Variants in LLGL2 observed in about 807,000 individuals in gnomAD.
The protein encoded by LLGL2 is LLGL2, scribble cell polarity complex component.
In LLGL2, 81 loss-of-function variants were observed where a neutral mutation model predicts 123.2. The ratio of observed to expected loss-of-function variants is 0.66; its 90% CI spans 0.55 to 0.79. The LOEUF (loss-of-function observed/expected upper bound fraction) is 0.79, where lower values mean the gene tolerates loss of function less well. LLGL2 is among the 30% of genes least tolerant of loss of function. The probability of loss-of-function intolerance (pLI) is 0.00; values close to 1 mark genes in which losing one functional copy is unlikely to be tolerated. For missense variants in LLGL2, 1,273 were observed against 1,414.6 expected (o/e 0.90, Z 1.61); for synonymous variants, 577 against 594.1 (o/e 0.97, Z 0.42).
intron 2 of LLGL2, among the ~76,000 whole-genome samples, chr17:75,555,236 A>G (rs1391196702): frequency 6.6e-6 from 1 of 151,258 alleles, no homozygotes; most frequent in African/African-American, 2.4e-5. Flanking sequence ...AAGGATGTAC[A>G]CTTAGGTTCT....
intron 1 of LLGL2, among the ~76,000 whole-genome samples, chr17:75,530,343 T>A (rs552061424): frequency 6.6e-6 from 1 of 152,086 alleles, no homozygotes; most frequent in South Asian, 2.1e-4. Flanking sequence ...TCTACAAAAA[T>A]TTTTTTAAAA....
At chr17:75,539,667 G>A (rs1001371584) in intron 1 of LLGL2, among the ~76,000 whole-genome samples, 3 of 150,562 alleles carry the variant, frequency 2.0e-5, no homozygotes, top group Non-Finnish European at 4.4e-5. Context: ...GAGTGCAGTG[G>A]TGCGATCTCA....
chr17:75,541,890 CG>C (rs888890027), intron 1 of LLGL2, among the ~76,000 whole-genome samples: 6 of 151,768 alleles, frequency 4.0e-5, no homozygotes, highest in African/African-American at 1.5e-4. Context: ...CCACCACACT[CG>C]GCTAACTTTT....
chr17:75,538,653 ATAAG>A (rs939178343), intron 1 of LLGL2: 1 of 152,202 alleles, frequency 6.6e-6, no homozygotes, highest in Non-Finnish European at 1.5e-5. Flanking sequence ...AACAAGATTA[ATAAG>A]TAAGCTATTC....
intron 1 of LLGL2, among the ~76,000 whole-genome samples, chr17:75,528,462 G>A (rs2053655250): frequency 6.6e-6 from 1 of 152,150 alleles, no homozygotes; most frequent in Non-Finnish European, 1.5e-5. Flanking sequence ...AAAAAGGCCA[G>A]GCGTGGTGGC....
At chr17:75,547,541 G>C (rs115064277) in intron 2 of LLGL2, among the ~76,000 whole-genome samples, 4,794 of 152,296 alleles carry the variant, frequency 0.031, 258 homozygotes, top group African/African-American at 0.11. Flanking sequence ...AAATTGACGA[G>C]AGGCGGGGCG....
intron 1 of LLGL2, among the ~76,000 whole-genome samples, chr17:75,536,817 C>T (rs192462717): frequency 1.3e-5 from 2 of 152,244 alleles, no homozygotes; most frequent in African/African-American, 4.8e-5. Context: ...GGTCTTTTCT[C>T]CATTTATTTA....
At chr17:75,537,106 AGCC>A (rs2054032182) in intron 1 of LLGL2, among the ~76,000 whole-genome samples, 1 of 152,170 alleles carries the variant, frequency 6.6e-6, no homozygotes, top group Non-Finnish European at 1.5e-5. Context: ...TACAGACGTG[AGCC>A]ACAGCGCCCG....
intron 1 of LLGL2, among the ~76,000 whole-genome samples, chr17:75,528,381 C>T (rs1052593896): frequency 6.6e-6 from 1 of 152,080 alleles, no homozygotes; most frequent in Non-Finnish European, 1.5e-5. Flanking sequence ...TCCCAAAGTG[C>T]TGGGATTACA....
rs1671018 is a variant in LLGL2, at chr17:75,574,623, C to A, written c.3010C>A (p.Arg1004Ser). 6.2e-7 allele frequency: 1 copy of A among 1,612,338 alleles called. No homozygotes were observed. The highest frequency in any genetic ancestry group is 8.5e-7 in the Non-Finnish European group (1 of 1,179,644). Reference sequence around the variant, plus strand: ...TTGCCTGTGCAGGAGCGGCAACTGGCGTTCACATCGAGCCGCCGTGGGGTG... The same window carrying A: ...TTGCCTGTGCAGGAGCGGCAACTGGAGTTCACATCGAGCCGCCGTGGGGTG... ...LEGDRGSGNW[R>S]SHRAAVGCSL... Residue 1004 changes from arginine (R) to serine (S), a missense_variant, in exon 25 of 26, where the codon CGT (arginine) becomes AGT (serine). Transcript: ENST00000392550.
At chr17:75,574,824 C>G (rs2055900894) in intron 25 of LLGL2, 47 bp from the exon 26 acceptor site, 1 of 1,611,938 alleles carries the variant, frequency 6.2e-7, no homozygotes, top group African/African-American at 1.3e-5. Flanking sequence ...GCTGGGGCAC[C>G]CCGTCCTGCC....
intron 1 of LLGL2, among the ~76,000 whole-genome samples, chr17:75,526,675 C>T (rs1598486815): frequency 6.6e-6 from 1 of 152,086 alleles, no homozygotes; most frequent in Non-Finnish European, 1.5e-5. Context: ...GCAGCCTTAA[C>T]CTGGGCTCCA....
rs749098773 is a variant in LLGL2, at chr17:75,564,340, C to T, written c.882-13C>T. 2 of 1,601,030 alleles carry T rather than the reference C, an allele frequency of 1.2e-6. No individual in the cohort carries two copies. The highest frequency in any genetic ancestry group is 4.5e-5 in the East Asian group (2 of 44,784). On this transcript the variant is annotated splice_polypyrimidine_tract_variant and intron_variant, in intron 9 of 25. Transcript: ENST00000392550. This position sits in a 1 kb window ranked among gnomAD's most constrained non-coding sequence, Gnocchi z 4.9. ...GGAGCCCCAGCCCACTGCCGCTCCT[C>T]TGTGCCTGCCAGGTTGCCCTTCACC...
At position 75,559,138 on chromosome 17, in the gene LLGL2, A is replaced by G; in HGVS notation, c.372-114A>G. The G allele has an allele frequency of 3.6e-6, 4 of 1,097,836 alleles. No individual in the cohort carries two copies. Among genetic ancestry groups the G allele is most frequent in the East Asian group, 2.6e-5 (1 of 38,150 alleles). The allele number at this position is 1,097,836 out of a possible 1,614,324, so 68.0% of individuals were successfully genotyped here. A position where few individuals can be genotyped will look rare whatever the true frequency, so the allele number is the denominator to read the frequency against. ...AATGTTTGTCCTGGCTTGAAATGTT[A>G]TGACCTCATTAAAGGGCCTTATGGG... On this transcript the variant is annotated intron_variant, in intron 5 of 25. Coordinates refer to ENST00000392550, the MANE Select transcript of LLGL2 (RefSeq NM_001031803.2). The surrounding 1 kb of genome is among the most constrained non-coding windows in gnomAD (Gnocchi z 4.6).
intron 2 of LLGL2, among the ~76,000 whole-genome samples, chr17:75,550,793 A>AC: frequency 6.6e-6 from 1 of 150,576 alleles, no homozygotes; most frequent in South Asian, 2.1e-4. Flanking sequence ...AAAAAAAAAA[A>AC]AAAAAAAAAA....
chr17:75,574,563 G>A (rs2055887372), intron 24 of LLGL2, 47 bp from the exon 25 acceptor site: 3 of 1,604,008 alleles, frequency 1.9e-6, no homozygotes, highest in East Asian at 4.5e-5. Flanking sequence ...GGAGCGCTGA[G>A]AGTGGAGGTC....
intron 3 of LLGL2, chr17:75,557,923 C>T (rs189423960): frequency 7.9e-5 from 47 of 591,682 alleles, no homozygotes; most frequent in Admixed American, 3.1e-4. Flanking sequence ...TTGCTCCCAC[C>T]GGCCTGACTG....
Position 75,564,606 on chromosome 17 carries a change from T to C in LLGL2, c.1036+99T>C, listed in dbSNP as rs1002604061. The C allele has an allele frequency of 7.7e-6, 12 of 1,558,962 alleles. No individual in the cohort carries two copies. The highest frequency in any genetic ancestry group is 1.0e-5 in the Non-Finnish European group (12 of 1,147,118). On this transcript the variant is annotated intron_variant, in intron 10 of 25. Coordinates refer to ENST00000392550, the MANE Select transcript of LLGL2 (RefSeq NM_001031803.2). The surrounding 1 kb of genome is among the most constrained non-coding windows in gnomAD (Gnocchi z 4.9). ...GGCCAGGTGCAGTGGCTCCTGCCTG[T>C]AACCCCAGTGCTGTGGGAGGCCAAG... is the stretch of plus-strand genomic sequence containing the variant.
rs1031846019 is a variant in LLGL2, at chr17:75,564,608, A to C, written c.1036+101A>C. Reference sequence around the variant, plus strand: ...CCAGGTGCAGTGGCTCCTGCCTGTAACCCCAGTGCTGTGGGAGGCCAAGGT... The same window carrying C: ...CCAGGTGCAGTGGCTCCTGCCTGTACCCCCAGTGCTGTGGGAGGCCAAGGT... On this transcript the variant is annotated intron_variant, in intron 10 of 25. Coordinates refer to ENST00000392550, the MANE Select transcript of LLGL2 (RefSeq NM_001031803.2). The surrounding 1 kb of genome is among the most constrained non-coding windows in gnomAD (Gnocchi z 4.9). The C allele has an allele frequency of 1.9e-6, 3 of 1,548,958 alleles. No homozygotes were observed. Among genetic ancestry groups the C allele is most frequent in the Non-Finnish European group, 1.8e-6 (2 of 1,141,854 alleles).
Sources: allele counts gnomAD v4.1 joint callset (sites outside exome capture counted in the v4.1 genomes callset), GRCh38; gene constraint gnomAD v4.1.1; non-coding constraint Gnocchi (gnomAD v3.1); transcripts MANE v1.5; gene names NCBI Gene and HGNC (gene_info 2026-07-23, HGNC 2026-07-21).